The following PNP variants were observed in gnomAD, a reference collection of about 807,000 sequenced individuals.
The protein encoded by PNP is HEL-S-156an.
PNP carries 18 observed loss-of-function variants against 26.8 expected under a neutral mutation model. The observed-to-expected ratio is 0.67, with a 90% CI of 0.46 to 1.00. PNP has a LOEUF of 1.00. PNP is among the 50% of genes least tolerant of loss of function. The pLI is 0.00. For synonymous variants in PNP, 116 were observed against 124.8 expected (o/e 0.93, Z 0.47); for missense variants, 320 against 362.9 (o/e 0.88, Z 0.96).
At chr14:20,472,755 TATTTG>T (rs1882014718) in intron 2 of PNP, 2 of 446,884 alleles carry the variant, frequency 4.5e-6, no homozygotes, top group East Asian at 7.6e-5. Flanking sequence ...AAGGGTTGTT[TATTTG>T]GTTTACGTAA....
At chr14:20,471,191 C>T (rs890239361) in intron 1 of PNP, among the ~76,000 whole-genome samples, 14 of 139,588 alleles carry the variant, frequency 1.0e-4, no homozygotes, top group African/African-American at 3.0e-4. Context: ...CCACCACGCC[C>T]GGCTAATTTT....
rs1034748921 is a variant in PNP at position 20,474,992 on chromosome 14, G to C, written c.461+44G>C. ...TTTTTTTAGGTGGGTAGGATTTAAA[G>C]ACTTCTCTAGGAGCTGTGGGAGAAT... is the stretch of plus-strand genomic sequence containing the variant. On this transcript the variant is annotated intron_variant, in intron 4 of 5. Transcript: ENST00000361505. 4 of 1,613,406 alleles carry C rather than the reference G, an allele frequency of 2.5e-6. No homozygotes were observed. In the African/African-American group the frequency reaches 5.3e-5, roughly 22 times the overall value.
rs560689595 is a variant in PNP at position 20,471,190 on chromosome 14, C to A, written c.12-1118C>A. Among the ~76,000 whole-genome samples the A allele has an allele frequency of 1.6e-3, 228 of 144,112 alleles. 1 individual carries two copies. The highest frequency in any genetic ancestry group is 5.8e-3 in the African/African-American group (220 of 38,210). The allele number at this position is 144,112 out of a possible 152,430, so 94.5% of individuals were successfully genotyped here. A position where few individuals can be genotyped will look rare whatever the true frequency, so the allele number is the denominator to read the frequency against. ...GGACTACAGGGGCCCGCCACCACGC[C>A]CGGCTAATTTTTTTTTTTTTTTTTT... is the stretch of plus-strand genomic sequence containing the variant. On this transcript the variant is annotated intron_variant, in intron 1 of 5. Coordinates refer to ENST00000361505, the MANE Select transcript of PNP (RefSeq NM_000270.4).
At chr14:20,476,353 G>A (rs1201783346) in intron 5 of PNP, 31 bp from the exon 6 acceptor site, 2 of 1,519,580 alleles carry the variant, frequency 1.3e-6, no homozygotes, top group East Asian at 4.5e-5. Flanking sequence ...TGAGGATCCT[G>A]ACAGTTGGTT....
At chr14:20,474,380 G>T in intron 2 of PNP, 92 bp from the exon 3 acceptor site, 2 of 1,049,450 alleles carry the variant, frequency 1.9e-6, no homozygotes, top group South Asian at 2.6e-5. Flanking sequence ...CTAACATTTT[G>T]AGCAGAGCGA....
chr14:20,476,386 A>G lies in PNP; in HGVS notation c.655A>G (p.Met219Val). Residue 219 changes from methionine (M) to valine (V), a missense_variant and splice_region_variant, in exon 6 of 6, where the codon ATG becomes GTG. Met to Val is a conservative substitution (Grantham distance 21, BLOSUM62 1). Coordinates refer to ENST00000361505, the MANE Select transcript of PNP (RefSeq NM_000270.4). Reference sequence around the variant, plus strand: ...GTTTCCATCTTTCTCACTATCAGGCATGAGTACAGTACCAGAAGTTATCGT... The same window carrying G: ...GTTTCCATCTTTCTCACTATCAGGCGTGAGTACAGTACCAGAAGTTATCGT... ...LQKLGADAVG[M>V]STVPEVIVAR... 3 of 1,612,558 alleles carry G rather than the reference A, an allele frequency of 1.9e-6. No homozygotes were observed. Among genetic ancestry groups the G allele is most frequent in the Non-Finnish European group, 8.5e-7 (1 of 1,178,668 alleles).
chr14:20,474,597 G>C, intron 3 of PNP, 22 bp downstream of exon 3: 4 of 1,597,538 alleles, frequency 2.5e-6, no homozygotes, highest in Non-Finnish European at 3.4e-6. Flanking sequence ...GGATAGGTCC[G>C]GTTGGATCTG....
chr14:20,474,703 A>G (rs566036809), intron 3 of PNP, 70 bp from the exon 4 acceptor site: 5 of 1,574,244 alleles, frequency 3.2e-6, no homozygotes, highest in Non-Finnish European at 4.4e-6. Flanking sequence ...TTCACGATGT[A>G]TGTCATGCAT....
chr14:20,472,464 T>TC lies in PNP; in HGVS notation c.172dup (p.Arg58ProfsTer32), dbSNP rs1360633322. On this transcript the variant is annotated frameshift_variant, in exon 2 of 6. Transcript: ENST00000361505. LOFTEE classifies it high-confidence loss of function. Reference sequence around the variant, plus strand: ...TTGACTACGGTGAAATCCCCAACTTTCCCCGAAGTACAGGTACTGGCAAGG... The same window carrying TC: ...TTGACTACGGTGAAATCCCCAACTTTCCCCCGAAGTACAGGTACTGGCAAGG... 1 of 1,613,948 alleles carries TC rather than the reference T, an allele frequency of 6.2e-7. No individual in the cohort carries two copies.
chr14:20,469,600 G>T, intron 1 of PNP, 65 bp downstream of exon 1: 1 of 1,546,616 alleles, frequency 6.5e-7, no homozygotes, highest in Non-Finnish European at 8.8e-7. Context: ...CGGGAACCTG[G>T]CACACTGGGC....
At chr14:20,474,746 A>AT (rs765212897) in intron 3 of PNP, 27 bp from the exon 4 acceptor site, 6 of 1,611,142 alleles carry the variant, frequency 3.7e-6, no homozygotes, top group Non-Finnish European at 5.1e-6. Flanking sequence ...AATTTTGTAA[A>AT]TTTTTTTCGG....
At chr14:20,470,467 T>G (rs1312803459) in intron 1 of PNP, 2 of 152,350 alleles carry the variant, frequency 1.3e-5, no homozygotes, top group Non-Finnish European at 2.9e-5. Flanking sequence ...TGGTGTATTG[T>G]GCAATCATGT....
At chr14:20,476,314 G>A (rs550586936) in intron 5 of PNP, 70 bp from the exon 6 acceptor site, 612 of 1,231,552 alleles carry the variant, frequency 5.0e-4, no homozygotes, top group Non-Finnish European at 6.6e-4. Flanking sequence ...TGTTGAAAGC[G>A]AGGCTAAAGG....
intron 1 of PNP, among the ~76,000 whole-genome samples, chr14:20,470,355 T>C (rs548685753): frequency 6.6e-6 from 1 of 152,332 alleles, no homozygotes; most frequent in South Asian, 2.1e-4. Context: ...GGGATGCCAT[T>C]TGATTAACAT....
At position 20,470,325 on chromosome 14, in the gene PNP, C is replaced by T. The variant is rs530482528; in HGVS notation, c.11+790C>T. Among the ~76,000 whole-genome samples, 6 of 152,324 alleles carry T rather than the reference C, an allele frequency of 3.9e-5. No individual in the cohort carries two copies. In the South Asian group the frequency reaches 1.2e-3, roughly 32 times the overall value. On this transcript the variant is annotated intron_variant, in intron 1 of 5. Coordinates refer to ENST00000361505, the MANE Select transcript of PNP (RefSeq NM_000270.4). ...CCATGTGGCGGCAGCTTCACACATT[C>T]ATTTCCTTTGCACCTTTTGGGGATG...
rs148262283 is a variant in PNP, at chr14:20,471,015, T to C, written c.12-1293T>C. 3.9e-3 allele frequency among the ~76,000 whole-genome samples: 592 copies of C among 151,862 alleles called. 9 individuals carry two copies. Among genetic ancestry groups the C allele is most frequent in the South Asian group, 0.021 (102 of 4,812 alleles). On this transcript the variant is annotated intron_variant, in intron 1 of 5. Coordinates refer to ENST00000361505, the MANE Select transcript of PNP (RefSeq NM_000270.4). ...CCAGACCAGCAATTCCTAAACCTGG[T>C]TTTATTTTATTTTATTTTTATTTAT...
At position 20,474,891 on chromosome 14, in the gene PNP, A is replaced by G. The variant is rs1566525632; in HGVS notation, c.404A>G (p.His135Arg). The change falls in exon 4 of 6, where the codon CAT becomes CGT. Residue 135 changes from histidine to arginine, a missense_variant. His to Arg is a conservative substitution (Grantham distance 29). Coordinates refer to ENST00000361505, the MANE Select transcript of PNP (RefSeq NM_000270.4). ...EVGDIMLIRD[H>R]INLPGFSGQN... is the part of the protein sequence containing the mutation. The stretch of plus-strand genomic sequence containing the variant: ...GGAGATATCATGCTGATCCGTGACC[A>G]TATCAACCTACCTGGTTTCAGTGGT... 1 of 1,614,220 alleles carries G rather than the reference A, an allele frequency of 6.2e-7. No homozygotes were observed. Among genetic ancestry groups the G allele is most frequent in the South Asian group, 1.1e-5 (1 of 91,086 alleles).
rs1296937480 is a variant in PNP at position 20,475,187 on chromosome 14, C to G, written c.587C>G (p.Ala196Gly). ...CAGGAAGGCACCTATGTGATGGTGG[C>G]AGGCCCCAGCTTTGAGACTGTGGCA... ...ELQEGTYVMV[A>G]GPSFETVAEC... The change falls in exon 5 of 6, where the codon GCA becomes GGA. Residue 196 changes from alanine (A) to glycine (G), a missense_variant. Physicochemically the swap from Ala to Gly is moderately conservative, Grantham distance 60. Coordinates refer to ENST00000361505, the MANE Select transcript of PNP (RefSeq NM_000270.4). 1.9e-6 allele frequency: 3 copies of G among 1,613,994 alleles called. No individual in the cohort carries two copies. Among genetic ancestry groups the G allele is most frequent in the Non-Finnish European group, 2.5e-6 (3 of 1,180,020 alleles).
At chr14:20,470,769 C>G (rs2139333380) in intron 1 of PNP, 1 of 152,420 alleles carries the variant, frequency 6.6e-6, no homozygotes, top group South Asian at 2.1e-4. Context: ...AGACCACAGG[C>G]AGGTGGAAAG....
Sources: gnomAD v4.1 joint callset for allele counts (sites outside exome capture counted in the v4.1 genomes callset) on GRCh38, gnomAD v4.1.1 for gene constraint, MANE v1.5 for transcripts, NCBI Gene and HGNC (gene_info 2026-07-23, HGNC 2026-07-21) for gene names.